ADGRL3: variants seen among roughly 807,000 people sequenced by gnomAD.
ADGRL3 encodes calcium-independent alpha-latrotoxin receptor 3.
A neutral mutation model predicts 153.5 loss-of-function variants in ADGRL3; 62 were observed. That is an observed-to-expected ratio of 0.40 (90% confidence interval 0.33 to 0.50). The LOEUF (loss-of-function observed/expected upper bound fraction) is 0.50, where lower values mean the gene tolerates loss of function less well. ADGRL3 is among the 20% of genes least tolerant of loss of function. ADGRL3 has a pLI of 0.47. For synonymous variants in ADGRL3, 710 were observed against 672.5 expected, an observed-to-expected ratio of 1.06 and a Z score of -0.86; for missense variants, 1,641 against 1,859.4, an observed-to-expected ratio of 0.88 and a Z score of 2.16.
chr4:61,805,718 A>C (rs1193406795), intron 8 of ADGRL3, among the ~76,000 whole-genome samples: 1 of 152,118 alleles, frequency 6.6e-6, no homozygotes, highest in African/African-American at 2.4e-5. Flanking sequence ...CCCCCTACCT[A>C]ATAATTGTAT....
At chr4:61,799,853 A>G (rs1341707807) in intron 8 of ADGRL3, among the ~76,000 whole-genome samples, 3 of 151,862 alleles carry the variant, frequency 2.0e-5, no homozygotes, top group Admixed American at 2.0e-4. Context: ...TGTGACAAGC[A>G]CCCTGCTTCT....
chr4:61,538,997 A>T (rs2098674019), intron 4 of ADGRL3, among the ~76,000 whole-genome samples: 1 of 152,134 alleles, frequency 6.6e-6, no homozygotes, highest in African/African-American at 2.4e-5. Flanking sequence ...CCTTCAGCTC[A>T]TATAGACTGT....
chr4:61,985,727 A>G (rs1174669692), intron 19 of ADGRL3, among the ~76,000 whole-genome samples: 5 of 152,160 alleles, frequency 3.3e-5, no homozygotes, highest in Admixed American at 3.3e-4. Context: ...CAACAATACA[A>G]TTAAAAGAAG....
At chr4:61,389,981 T>C (rs2096783697) in intron 2 of ADGRL3, among the ~76,000 whole-genome samples, 1 of 152,172 alleles carries the variant, frequency 6.6e-6, no homozygotes, top group African/African-American at 2.4e-5. Flanking sequence ...ACAACAATAA[T>C]ACTTTTTTTC....
intron 1 of ADGRL3, among the ~76,000 whole-genome samples, chr4:61,317,781 A>G (rs1360638509): frequency 6.6e-6 from 1 of 152,166 alleles, no homozygotes; most frequent in East Asian, 1.9e-4. Flanking sequence ...CTGCCACACC[A>G]ACAATATTAA....
At chr4:61,719,904 CTG>C (rs2096205496) in intron 6 of ADGRL3, among the ~76,000 whole-genome samples, 2 of 151,992 alleles carry the variant, frequency 1.3e-5, no homozygotes, top group South Asian at 4.1e-4. Context: ...CTCCCGCCCC[CTG>C]TCAGACATTA....
At chr4:61,326,361 C>A (rs10027782) in intron 1 of ADGRL3, among the ~76,000 whole-genome samples, 102,210 of 151,778 alleles carry the variant, frequency 0.67, 35,616 homozygotes, top group East Asian at 0.97. Flanking sequence ...TTTATTAGAT[C>A]TTTCAATATA....
intron 13 of ADGRL3, among the ~76,000 whole-genome samples, chr4:61,927,355 T>C (rs2098798778): frequency 6.6e-6 from 1 of 150,936 alleles, no homozygotes; most frequent in South Asian, 2.1e-4. Flanking sequence ...AAAAAGACAA[T>C]GCTTTTTTTT....
intron 8 of ADGRL3, among the ~76,000 whole-genome samples, chr4:61,804,560 A>G (rs1450903): frequency 0.16 from 24,128 of 152,084 alleles, 2,080 homozygotes; most frequent in African/African-American, 0.24. Flanking sequence ...GAACACTGGA[A>G]CCATACTGGA....
intron 9 of ADGRL3, among the ~76,000 whole-genome samples, chr4:61,853,763 A>G (rs1347954404): frequency 6.6e-6 from 1 of 152,172 alleles, no homozygotes; most frequent in Non-Finnish European, 1.5e-5. Context: ...CTAATATTCG[A>G]GATTTATTCT....
At chr4:61,705,171 C>A (rs1430789777) in intron 6 of ADGRL3, among the ~76,000 whole-genome samples, 1 of 152,132 alleles carries the variant, frequency 6.6e-6, no homozygotes, top group Non-Finnish European at 1.5e-5. Flanking sequence ...AAAGATATCA[C>A]TATCTATGGC....
chr4:61,561,780 AT>A (rs2098796121), intron 4 of ADGRL3, among the ~76,000 whole-genome samples: 1 of 152,034 alleles, frequency 6.6e-6, no homozygotes, highest in Non-Finnish European at 1.5e-5. Context: ...TCAATTCTCA[AT>A]AAGGTTGACT....
chr4:61,607,334 C>T (rs2099036231), intron 5 of ADGRL3, among the ~76,000 whole-genome samples: 1 of 152,122 alleles, frequency 6.6e-6, no homozygotes, highest in Non-Finnish European at 1.5e-5. Context: ...CGCAGTGGCT[C>T]ACACCTGTAA....
At chr4:61,843,021 C>T (rs1407466319) in intron 9 of ADGRL3, among the ~76,000 whole-genome samples, 2 of 151,980 alleles carry the variant, frequency 1.3e-5, no homozygotes, top group Non-Finnish European at 2.9e-5. Flanking sequence ...ATTATTACCT[C>T]CTGTATACTG....
intron 24 of ADGRL3, among the ~76,000 whole-genome samples, chr4:62,042,343 A>G (rs1728822083): frequency 6.6e-6 from 1 of 151,984 alleles, no homozygotes; most frequent in South Asian, 2.1e-4. Context: ...TAGTAGGGGA[A>G]AAGGGACTGA....
intron 9 of ADGRL3, among the ~76,000 whole-genome samples, chr4:61,826,694 T>C (rs2148806661): frequency 6.6e-6 from 1 of 152,266 alleles, no homozygotes; most frequent in South Asian, 2.1e-4. Flanking sequence ...TGACTGTAGC[T>C]ACACGGTGGA....
At chr4:61,203,517 ACT>A (rs1023102801) in intron 1 of ADGRL3, among the ~76,000 whole-genome samples, 1 of 152,110 alleles carries the variant, frequency 6.6e-6, no homozygotes, top group South Asian at 2.1e-4. Flanking sequence ...AGACGCATAG[ACT>A]CTGGCAGGAA....
chr4:61,448,743 G>A (rs2097624330), intron 2 of ADGRL3, among the ~76,000 whole-genome samples: 1 of 147,680 alleles, frequency 6.8e-6, no homozygotes, highest in Non-Finnish European at 1.5e-5. Context: ...AAGGAAGGAA[G>A]GGGGAGAGAG....
intron 2 of ADGRL3, among the ~76,000 whole-genome samples, chr4:61,424,721 G>C (rs1300804346): frequency 6.6e-6 from 1 of 152,162 alleles, no homozygotes; most frequent in African/African-American, 2.4e-5. Context: ...TTTCTGGTTT[G>C]ATCAACCTCA....
Sources: allele counts gnomAD v4.1 joint callset (sites outside exome capture counted in the v4.1 genomes callset), GRCh38; gene constraint gnomAD v4.1.1; transcripts MANE v1.5; gene names NCBI Gene and HGNC (gene_info 2026-07-23, HGNC 2026-07-21).